The following GALNT9 variants were observed in gnomAD, a reference collection of about 807,000 sequenced individuals.
GALNT9 encodes the protein GalNAc transferase 9.
In GALNT9, 47 loss-of-function variants were observed where a neutral mutation model predicts 63.1. The observed-to-expected ratio is 0.75, with a 90% confidence interval of 0.59 to 0.95. GALNT9 has a LOEUF of 0.95. Ranked by LOEUF, GALNT9 falls within the 40% of genes least tolerant of loss-of-function variation. The pLI, the probability that GALNT9 is intolerant of heterozygous loss-of-function variation, is 0.00. For synonymous variants in GALNT9, 396 were observed against 365.7 expected (o/e 1.08, Z -0.94); for missense variants, 829 against 874.8 (o/e 0.95, Z 0.66).
In GALNT9 at chr12:132,247,836, G is replaced by A. The variant is rs28523995; in HGVS notation, c.1077+74C>T. 8,206 of 1,540,370 alleles carry A rather than the reference G, an allele frequency of 5.3e-3. 363 individuals carry two copies. In the African/African-American group the frequency reaches 0.097, roughly 18 times the overall value. ...GTCCCCGGACACCGCGGCCTCACTC[G>A]CCCTCATCCTGTTCCCAGACGCTGT... is the stretch of plus-strand genomic sequence containing the variant. On this transcript the variant is annotated intron_variant, in intron 6 of 10. Coordinates refer to ENST00000328957, the MANE Select transcript of GALNT9 (RefSeq NM_001122636.2).
chr12:132,307,669 T>TAAAAAA, intron 1 of GALNT9, among the ~76,000 whole-genome samples: 1 of 140,228 alleles, frequency 7.1e-6, no homozygotes, highest in African/African-American at 2.6e-5. Flanking sequence ...TCATCTCTAC[T>TAAAAAA]AAAAAAAAAA....
At position 132,265,262 on chromosome 12, in the gene GALNT9, A is replaced by G. The variant is rs1879554663; in HGVS notation, c.420-2637T>C. On this transcript the variant is annotated intron_variant, in intron 2 of 10. Coordinates refer to ENST00000328957, the MANE Select transcript of GALNT9 (RefSeq NM_001122636.2). This position sits in a 1 kb window ranked among gnomAD's most constrained non-coding sequence, Gnocchi z 5.3. ...CCTGCGCTCCTGCTGGGGATGAGGG[A>G]GAGGCCACGGGGAGAAAATGACGGC... Among the ~76,000 whole-genome samples the G allele has an allele frequency of 6.6e-6, 1 of 152,142 alleles. No individual in the cohort carries two copies. Among genetic ancestry groups the G allele is most frequent in the African/African-American group, 2.4e-5 (1 of 41,442 alleles).
Position 132,201,209 on chromosome 12 carries a change from C to G in GALNT9, c.1316G>C (p.Arg439Thr), listed in dbSNP as rs572998003. The G allele has an allele frequency of 3.7e-6, 6 of 1,612,892 alleles. No individual in the cohort carries two copies. In the South Asian group the frequency reaches 6.6e-5, roughly 18 times the overall value. ...DVSERLALRQRLKCRSFKWYL... is the reference protein window; with the variant it reads ...DVSERLALRQTLKCRSFKWYL... The stretch of plus-strand genomic sequence containing the variant: ...CCACTTGAAGCTGCGACACTTCAGC[C>G]TCTGACGCAGGGCCAGCCTCTCAGA... The change falls in exon 8 of 11, where the codon AGG becomes ACG. Residue 439 changes from arginine to threonine, a missense_variant. Coordinates refer to ENST00000328957, the MANE Select transcript of GALNT9 (RefSeq NM_001122636.2).
At chr12:132,264,647 C>T (rs1187271957) in intron 2 of GALNT9, among the ~76,000 whole-genome samples, 1 of 152,204 alleles carries the variant, frequency 6.6e-6, no homozygotes, top group Non-Finnish European at 1.5e-5. Flanking sequence ...ACCTGTCTTC[C>T]CAGGACACGC....
At chr12:132,288,891 A>T (rs1457808658) in intron 1 of GALNT9, among the ~76,000 whole-genome samples, 1 of 150,122 alleles carries the variant, frequency 6.7e-6, no homozygotes, top group African/African-American at 2.5e-5. Context: ...GTGGTTTCGG[A>T]CGGCTGCCTG....
intron 7 of GALNT9, among the ~76,000 whole-genome samples, chr12:132,202,600 G>A (rs972469763): frequency 6.6e-6 from 1 of 151,808 alleles, no homozygotes; most frequent in African/African-American, 2.4e-5. Flanking sequence ...CGCTGTATGT[G>A]GACAGATGTA....
chr12:132,197,399 A>AG (rs930380091), intron 10 of GALNT9, 146 bp from the exon 11 acceptor site: 12 of 1,233,388 alleles, frequency 9.7e-6, no homozygotes, highest in Middle Eastern at 2.5e-4. Flanking sequence ...AGCAGCACCC[A>AG]GGGGGGCCGG....
intron 5 of GALNT9, among the ~76,000 whole-genome samples, chr12:132,256,954 G>A (rs1442137795): frequency 1.3e-5 from 2 of 152,248 alleles, no homozygotes; most frequent in Non-Finnish European, 2.9e-5. Context: ...CTCCTGGGTA[G>A]TGTCTGTTCA....
intron 6 of GALNT9, among the ~76,000 whole-genome samples, chr12:132,211,582 T>G (rs1429765681): frequency 6.6e-6 from 1 of 152,072 alleles, no homozygotes; most frequent in African/African-American, 2.4e-5. Context: ...GCTCACTCCG[T>G]CCACCCTCTC....
At chr12:132,260,200 C>T (rs1030029908) in intron 4 of GALNT9, among the ~76,000 whole-genome samples, 2 of 151,166 alleles carry the variant, frequency 1.3e-5, no homozygotes, top group Admixed American at 6.6e-5. Context: ...GCGTGGGGGT[C>T]GGAGGTGGGG....
intron 1 of GALNT9, among the ~76,000 whole-genome samples, chr12:132,304,521 ACACACCCTCACCCGGGCACAGAATCG>A (rs1881483719): frequency 3.7e-5 from 1 of 27,272 alleles, no homozygotes; most frequent in Non-Finnish European, 6.0e-5. Flanking sequence ...CCTCGCCCGG[ACACACCCTCACCCGGGCACAGAATCG>A]CCCAGACACA....
rs1555246706 is a variant in GALNT9, at chr12:132,328,959, C to T, written c.238+7G>A. 2.0e-6 allele frequency: 3 copies of T among 1,515,854 alleles called. No individual in the cohort carries two copies. The highest frequency in any genetic ancestry group is 3.7e-4 in the Middle Eastern group (2 of 5,448). The allele number at this position is 1,515,854 out of a possible 1,614,324, so 93.9% of individuals were successfully genotyped here. A position where few individuals can be genotyped will look rare whatever the true frequency, so the allele number is the denominator to read the frequency against. ...TGCCCCCACTCCGCCCCGGCGCCCCCGCTCACCGTTGAGCTGGTTGTAGAC... is the reference window on the plus strand; with the variant it reads ...TGCCCCCACTCCGCCCCGGCGCCCCTGCTCACCGTTGAGCTGGTTGTAGAC... On this transcript the variant is annotated splice_region_variant and intron_variant, in intron 1 of 10. Transcript: ENST00000328957.
intron 1 of GALNT9, among the ~76,000 whole-genome samples, chr12:132,302,341 T>A (rs1281650974): frequency 6.6e-6 from 1 of 151,894 alleles, no homozygotes; most frequent in Non-Finnish European, 1.5e-5. Flanking sequence ...TTCTGTAAGA[T>A]CACGTAATGC....
chr12:132,200,608 A>G (rs1183315476), intron 8 of GALNT9: 1 of 153,954 alleles, frequency 6.5e-6, no homozygotes, highest in Non-Finnish European at 1.4e-5. Flanking sequence ...CTGTGTAGGA[A>G]GAGCTGTGTA....
At chr12:132,198,034 A>G in intron 9 of GALNT9, 75 bp from the exon 10 acceptor site, 3 of 1,192,382 alleles carry the variant, frequency 2.5e-6, no homozygotes, top group Non-Finnish European at 3.6e-6. Flanking sequence ...AGGCCGTGCG[A>G]GCTGCCTTGA....
Position 132,314,200 on chromosome 12 carries a change from C to T in GALNT9, c.238+14766G>A, listed in dbSNP as rs1410233079. ...ATCATCCATTTATCCATCCACCCAC[C>T]CACCCATCCATTTATCCATCCACCC... On this transcript the variant is annotated intron_variant, in intron 1 of 10. Coordinates refer to ENST00000328957, the MANE Select transcript of GALNT9 (RefSeq NM_001122636.2). Among the ~76,000 whole-genome samples, 3 of 148,852 alleles carry T rather than the reference C, an allele frequency of 2.0e-5. 1 individual carries two copies. Among genetic ancestry groups the T allele is most frequent in the South Asian group, 4.4e-4 (2 of 4,592 alleles).
At chr12:132,199,860 A>C (rs1875869551) in intron 8 of GALNT9, among the ~76,000 whole-genome samples, 1 of 152,104 alleles carries the variant, frequency 6.6e-6, no homozygotes, top group Non-Finnish European at 1.5e-5. Flanking sequence ...GCAAGTGTAG[A>C]TGCTTATTGC....
rs1881773654 is a variant in GALNT9, at chr12:132,310,458, T to A, written c.238+18508A>T. ...CCACCCAGAAGGACGGGGCCGGCCATCTCCTGGAGGCTGAGAGCCCTCCGG... is the reference window on the plus strand; with the variant it reads ...CCACCCAGAAGGACGGGGCCGGCCAACTCCTGGAGGCTGAGAGCCCTCCGG... On this transcript the variant is annotated intron_variant, in intron 1 of 10. Coordinates refer to ENST00000328957, the MANE Select transcript of GALNT9 (RefSeq NM_001122636.2). The surrounding 1 kb of genome is among the most constrained non-coding windows in gnomAD (Gnocchi z 4.8). Among the ~76,000 whole-genome samples, 1 of 152,070 alleles carries A rather than the reference T, an allele frequency of 6.6e-6. No homozygotes were observed. Among genetic ancestry groups the A allele is most frequent in the African/African-American group, 2.4e-5 (1 of 41,402 alleles).
rs566496148 is a variant in GALNT9 at position 132,255,456 on chromosome 12, C to G, written c.959+2233G>C. Among the ~76,000 whole-genome samples, 6 of 152,290 alleles carry G rather than the reference C, an allele frequency of 3.9e-5. No individual in the cohort carries two copies. The South Asian group carries it at 1.0e-3, about 26-fold the overall frequency. ...ACAAGATTAACCAGAAGTCTGGCCCCTTTTTAAGTCTGATAAGAAACATTT... is the reference window on the plus strand; with the variant it reads ...ACAAGATTAACCAGAAGTCTGGCCCGTTTTTAAGTCTGATAAGAAACATTT... On this transcript the variant is annotated intron_variant, in intron 5 of 10. Coordinates refer to ENST00000328957, the MANE Select transcript of GALNT9 (RefSeq NM_001122636.2).
Sources: gnomAD v4.1 joint callset for allele counts (sites outside exome capture counted in the v4.1 genomes callset) on GRCh38, gnomAD v4.1.1 for gene constraint, Gnocchi (gnomAD v3.1) non-coding constraint, MANE v1.5 for transcripts, NCBI Gene and HGNC (gene_info 2026-07-23, HGNC 2026-07-21) for gene names.